ZMYM2: variants seen among roughly 807,000 people sequenced by gnomAD.
The protein encoded by ZMYM2 is zinc finger MYM-type containing 2.
Under a neutral mutation model 162.8 loss-of-function variants are expected in ZMYM2, and 56 were observed. The ratio of observed to expected loss-of-function variants is 0.34; its 90% CI spans 0.28 to 0.43. ZMYM2 has a LOEUF of 0.43. Ranked by LOEUF, ZMYM2 falls within the 20% of genes least tolerant of loss-of-function variation. The pLI, the probability that ZMYM2 is intolerant of heterozygous loss-of-function variation, is 1.00. For synonymous variants in ZMYM2, 510 were observed against 541.6 expected (o/e 0.94, Z 0.81); for missense variants, 1,275 against 1,621.8 (o/e 0.79, Z 3.67).
At chr13:20,057,376 G>A (rs1351116554) in intron 14 of ZMYM2, among the ~76,000 whole-genome samples, 1 of 152,090 alleles carries the variant, frequency 6.6e-6, no homozygotes, top group Non-Finnish European at 1.5e-5. Flanking sequence ...GACCTTAGGT[G>A]ATCCGCCTGT....
At position 19,993,694 on chromosome 13, in the gene ZMYM2, C is replaced by T. The variant is rs2139746476; in HGVS notation, c.622C>T (p.Arg208Ter). ...NDGQLENTDGRDMNLMITHVT... is the reference protein window; with the variant it reads ...NDGQLENTDG ...TGGCCAATTAGAAAATACTGACGGG[C>T]GAGATATGAACTTAATGATTACACA... The change falls in exon 3 of 25, where the codon CGA becomes TGA. Residue 208 changes from arginine (R) to a stop codon, truncating the protein, a stop_gained. Coordinates refer to ENST00000610343, the MANE Select transcript of ZMYM2 (RefSeq NM_197968.4). LOFTEE classifies it high-confidence loss of function. 6.2e-7 allele frequency: 1 copy of T among 1,613,850 alleles called. No individual in the cohort carries two copies. The highest frequency in any genetic ancestry group is 1.3e-5 in the African/African-American group (1 of 75,010).
chr13:19,947,696 A>AGGCTAGGC, the ZMYM2 span, among the ~76,000 whole-genome samples: 1 of 90,268 alleles, frequency 1.1e-5, no homozygotes, highest in African/African-American at 3.1e-5. Flanking sequence ...CTAGTCTCGA[A>AGGCTAGGC]TTGTCTCGAA....
the ZMYM2 span, among the ~76,000 whole-genome samples, chr13:19,915,756 G>A: frequency 1.5e-4 from 22 of 150,064 alleles, no homozygotes; most frequent in Non-Finnish European, 2.8e-4. Context: ...CAACCGCCTC[G>A]CCCTCCCAAA....
At chr13:20,037,616 T>C (rs1953848913) in intron 12 of ZMYM2, among the ~76,000 whole-genome samples, 1 of 152,230 alleles carries the variant, frequency 6.6e-6, no homozygotes, top group Non-Finnish European at 1.5e-5. Context: ...CTTTTTTGGC[T>C]TTTTGCCTTT....
the ZMYM2 span, among the ~76,000 whole-genome samples, chr13:19,913,648 C>G: frequency 2.0e-5 from 3 of 152,162 alleles, no homozygotes; most frequent in African/African-American, 7.2e-5. Flanking sequence ...TCACTTGAAC[C>G]TGGGAGGCGG....
At chr13:19,917,102 A>G in the ZMYM2 span, among the ~76,000 whole-genome samples, 5 of 152,170 alleles carry the variant, frequency 3.3e-5, no homozygotes, top group South Asian at 1.0e-3. Context: ...AGCTGGGACT[A>G]CAGGCGCCCG....
chr13:19,887,967 C>T, the ZMYM2 span, among the ~76,000 whole-genome samples: 13 of 151,450 alleles, frequency 8.6e-5, no homozygotes, highest in South Asian at 2.1e-4. Context: ...CTGCAACCTC[C>T]GCCTTCCGGG....
chr13:19,880,296 G>A, the ZMYM2 span, among the ~76,000 whole-genome samples: 1 of 152,202 alleles, frequency 6.6e-6, no homozygotes, highest in African/African-American at 2.4e-5. Context: ...TTCAGTTCAT[G>A]AACACGGAAT....
intron 2 of ZMYM2, among the ~76,000 whole-genome samples, chr13:19,970,229 G>A (rs1395099148): frequency 6.6e-6 from 1 of 152,150 alleles, no homozygotes; most frequent in Non-Finnish European, 1.5e-5. Flanking sequence ...ATTAACGTGT[G>A]TAGTTGAAGT....
chr13:19,994,907 A>C (rs1008699862), intron 3 of ZMYM2, among the ~76,000 whole-genome samples: 1 of 151,804 alleles, frequency 6.6e-6, no homozygotes, highest in African/African-American at 2.4e-5. Flanking sequence ...ATCTCAGCTC[A>C]CTGCAACCTC....
chr13:19,870,345 C>G, the ZMYM2 span, among the ~76,000 whole-genome samples: 1 of 151,868 alleles, frequency 6.6e-6, no homozygotes, highest in Non-Finnish European at 1.5e-5. Flanking sequence ...TTGTAGTTGC[C>G]CAGGCTGGTC....
Position 19,993,825 on chromosome 13 carries a change from G to C in ZMYM2, c.753G>C (p.Gln251His). 3.7e-6 allele frequency: 6 copies of C among 1,614,148 alleles called. No homozygotes were observed. The highest frequency in any genetic ancestry group is 5.1e-6 in the Non-Finnish European group (6 of 1,180,020). ...IQTYTPSLTS[Q>H]TKTGVGPFNP... is the part of the protein sequence containing the mutation. ...CATACACCCCATCTTTAACTTCACA[G>C]ACCAAGACTGGAGTAGGACCTTTTA... Residue 251 changes from glutamine to histidine, a missense_variant, in exon 3 of 25, where the codon CAG becomes CAC. Physicochemically the swap from Gln to His is conservative, Grantham distance 24. This residue lies in a region of ZMYM2 where 115 missense variants were observed against 175.3 expected (regional missense o/e 0.66). Transcript: ENST00000610343.
At chr13:20,019,503 A>C (rs751275764) in intron 6 of ZMYM2, 44 bp from the exon 7 acceptor site, 1 of 1,481,950 alleles carries the variant, frequency 6.7e-7, no homozygotes, top group Non-Finnish European at 9.1e-7. Context: ...TGTAGCAGCT[A>C]TTCTTTATGT....
At chr13:20,066,253 G>A (rs1956667102) in intron 19 of ZMYM2, among the ~76,000 whole-genome samples, 1 of 152,088 alleles carries the variant, frequency 6.6e-6, no homozygotes, top group Non-Finnish European at 1.5e-5. Flanking sequence ...GATGACCGTT[G>A]TACAATGCAG....
chr13:19,921,938 G>A, the ZMYM2 span, among the ~76,000 whole-genome samples: 1 of 151,892 alleles, frequency 6.6e-6, no homozygotes, highest in Non-Finnish European at 1.5e-5. Flanking sequence ...TTTTGAGATG[G>A]AATCTCACTT....
chr13:19,949,396 A>G, the ZMYM2 span, among the ~76,000 whole-genome samples: 1 of 152,306 alleles, frequency 6.6e-6, no homozygotes, highest in African/African-American at 2.4e-5. Context: ...CTTGGGCTAC[A>G]GAGCGAGACT....
chr13:20,018,153 C>T (rs939829133), intron 6 of ZMYM2, among the ~76,000 whole-genome samples: 3 of 152,102 alleles, frequency 2.0e-5, no homozygotes, highest in Admixed American at 1.3e-4. Context: ...GTAGGAGTTC[C>T]TTATACTGTT....
At chr13:20,081,377 TAATGTTTATACTTTAA>T (rs1424055482) in intron 21 of ZMYM2, among the ~76,000 whole-genome samples, 1 of 152,228 alleles carries the variant, frequency 6.6e-6, no homozygotes, top group African/African-American at 2.4e-5. Context: ...TAAGCCCCAC[TAATGTTTATACTTTAA>T]ATGATTCTGT....
the ZMYM2 span, among the ~76,000 whole-genome samples, chr13:19,899,440 A>G: frequency 1.3e-5 from 2 of 152,118 alleles, no homozygotes; most frequent in East Asian, 3.8e-4. Flanking sequence ...GGAACTAGAA[A>G]AAGAACAACT....
Sources: allele counts gnomAD v4.1 joint callset (sites outside exome capture counted in the v4.1 genomes callset), GRCh38; gene constraint gnomAD v4.1.1; regional missense constraint gnomAD v4.1.1; transcripts MANE v1.5; gene names NCBI Gene and HGNC (gene_info 2026-07-23, HGNC 2026-07-21).